DNAH3: variants seen among roughly 807,000 people sequenced by gnomAD.
The protein encoded by DNAH3 is axonemal beta dynein heavy chain 3.
A neutral mutation model predicts 432.5 loss-of-function variants in DNAH3; 332 were observed. The ratio of observed to expected loss-of-function variants is 0.77; its 90% confidence interval spans 0.70 to 0.84. The LOEUF is 0.84. DNAH3 is among the 40% of genes least tolerant of loss of function. The probability of loss-of-function intolerance (pLI) is 0.00; values close to 1 mark genes in which losing one functional copy is unlikely to be tolerated. For synonymous variants in DNAH3, 1,956 were observed against 1,900.2 expected (o/e 1.03, Z -0.76); for missense variants, 4,861 against 5,114.0 (o/e 0.95, Z 1.51).
At chr16:21,058,340 TG>T (rs1206529579) in intron 26 of DNAH3, 144 bp from the exon 27 acceptor site, 1 of 496,556 alleles carries the variant, frequency 2.0e-6, no homozygotes, top group Non-Finnish European at 3.6e-6. Context: ...TTGACATCTC[TG>T]GAATTACTGA....
At chr16:21,086,520 C>T (rs944381823) in intron 19 of DNAH3, among the ~76,000 whole-genome samples, 41 of 152,094 alleles carry the variant, frequency 2.7e-4, no homozygotes, top group African/African-American at 9.9e-4. Context: ...ATTGAACATC[C>T]CTGTTGCACC....
intron 25 of DNAH3, among the ~76,000 whole-genome samples, chr16:21,060,828 C>CT (rs34315223): frequency 0.028 from 3,365 of 118,226 alleles, 168 homozygotes; most frequent in African/African-American, 0.099. Context: ...CTGGTCTCTT[C>CT]TTTTTTTTTT....
chr16:21,074,048 T>G (rs978325832), intron 21 of DNAH3, among the ~76,000 whole-genome samples: 1 of 152,168 alleles, frequency 6.6e-6, no homozygotes, highest in East Asian at 1.9e-4. Flanking sequence ...TAAATAAAAT[T>G]TTAATGCTTT....
At position 20,991,454 on chromosome 16, in the gene DNAH3, G is replaced by C. The variant is rs1048980834; in HGVS notation, c.6602-3389C>G. On this transcript the variant is annotated intron_variant, in intron 44 of 61. Transcript: ENST00000261383. Reference sequence around the variant, plus strand: ...AATTTTTGTATTTTTAGTAGAGATGGGGTTTTGCCATATTGGCCAGGCTGG... The same window carrying C: ...AATTTTTGTATTTTTAGTAGAGATGCGGTTTTGCCATATTGGCCAGGCTGG... 5.9e-5 allele frequency among the ~76,000 whole-genome samples: 9 copies of C among 152,174 alleles called. 1 individual carries two copies. The South Asian group carries it at 1.9e-3, about 32-fold the overall frequency.
At chr16:21,092,698 CAAAA>C (rs61277332) in intron 18 of DNAH3, among the ~76,000 whole-genome samples, 13 of 11,532 alleles carry the variant, frequency 1.1e-3, no homozygotes, top group Admixed American at 2.3e-3. Flanking sequence ...AAAATATTTG[CAAAA>C]AAAAAAAAAA....
At chr16:21,067,776 G>GGGGAGAGAGAGAGA (rs2090616078) in intron 23 of DNAH3, among the ~76,000 whole-genome samples, 7 of 40,888 alleles carry the variant, frequency 1.7e-4, no homozygotes, top group African/African-American at 8.7e-4. Flanking sequence ...GGGTGGGGAG[G>GGGGAGAGAGAGAGA]GAGAGAGAGA....
chr16:21,089,803 G>C (rs1356885528), intron 18 of DNAH3, among the ~76,000 whole-genome samples: 3 of 136,880 alleles, frequency 2.2e-5, no homozygotes, highest in Non-Finnish European at 4.8e-5. Context: ...GCAGAAGGAA[G>C]GAAATGATAA....
intron 20 of DNAH3, among the ~76,000 whole-genome samples, chr16:21,078,270 C>T (rs1251181829): frequency 3.7e-5 from 4 of 107,346 alleles, no homozygotes; most frequent in East Asian, 2.7e-4. Context: ...AGTAAAATTC[C>T]GTCTCAAAAA....
chr16:21,076,000 G>A (rs575156319), intron 20 of DNAH3, among the ~76,000 whole-genome samples: 1 of 149,876 alleles, frequency 6.7e-6, no homozygotes, highest in Non-Finnish European at 1.5e-5. Context: ...TGACCAAAAG[G>A]TTTACTATCC....
chr16:21,039,938 C>A, exon 33 of DNAH3: 1 of 1,613,288 alleles, frequency 6.2e-7, no homozygotes, highest in Non-Finnish European at 8.5e-7. Flanking sequence ...CTGTCCGGAA[C>A]AAGGCCTGGA....
At chr16:21,050,390 C>T (rs1313044128) in intron 29 of DNAH3, among the ~76,000 whole-genome samples, 1 of 152,174 alleles carries the variant, frequency 6.6e-6, no homozygotes, top group African/African-American at 2.4e-5. Context: ...TTCCAAAGAT[C>T]ACCAGTGCTA....
At chr16:20,979,635 A>C (rs940361107) in intron 49 of DNAH3, 89 bp from the exon 50 acceptor site, 2 of 1,185,246 alleles carry the variant, frequency 1.7e-6, no homozygotes, top group African/African-American at 3.0e-5. Context: ...AGGATATGAG[A>C]AGGCACATAC....
chr16:21,129,701 C>T (rs1434223161), intron 7 of DNAH3, among the ~76,000 whole-genome samples: 1 of 151,982 alleles, frequency 6.6e-6, no homozygotes, highest in Non-Finnish European at 1.5e-5. Context: ...CGCACCACTG[C>T]ACTCCAGCCT....
At chr16:20,956,084 T>C (rs931772282) in intron 54 of DNAH3, among the ~76,000 whole-genome samples, 2 of 151,876 alleles carry the variant, frequency 1.3e-5, no homozygotes, top group African/African-American at 2.4e-5. Context: ...CCCGCCACTA[T>C]GCCCGGCTAA....
intron 54 of DNAH3, among the ~76,000 whole-genome samples, chr16:20,955,380 A>G (rs2084515695): frequency 6.6e-6 from 1 of 152,064 alleles, no homozygotes; most frequent in East Asian, 1.9e-4. Flanking sequence ...TGGCAAGGTC[A>G]GGTGGGTTTT....
intron 18 of DNAH3, 77 bp downstream of exon 18, chr16:21,097,278 A>C: frequency 6.4e-7 from 1 of 1,559,564 alleles, no homozygotes; most frequent in African/African-American, 1.4e-5. Flanking sequence ...CTTAAGTGCA[A>C]ACCATATTTC....
intron 41 of DNAH3, among the ~76,000 whole-genome samples, chr16:21,005,862 T>G (rs929157809): frequency 3.3e-5 from 5 of 151,390 alleles, no homozygotes; most frequent in African/African-American, 7.3e-5. Context: ...TTTTGCATTT[T>G]AAATTGCTGT....
exon 46 of DNAH3, chr16:20,987,811 T>A: frequency 6.2e-7 from 1 of 1,614,118 alleles, no homozygotes. Flanking sequence ...TGCATCTCTA[T>A]AAATTGTCTT....
chr16:21,152,740 G>A (rs1285365105), intron 1 of DNAH3, among the ~76,000 whole-genome samples: 1 of 152,252 alleles, frequency 6.6e-6, no homozygotes, highest in East Asian at 1.9e-4. Flanking sequence ...TTAGCACCCC[G>A]GCCAGCGGCT....
Sources: gnomAD v4.1 joint callset for allele counts (sites outside exome capture counted in the v4.1 genomes callset) on GRCh38, gnomAD v4.1.1 for gene constraint, MANE v1.5 for transcripts, NCBI Gene and HGNC (gene_info 2026-07-23, HGNC 2026-07-21) for gene names.